Variants in ELP4 observed in about 807,000 individuals in gnomAD.
The protein encoded by ELP4 is elongator acetyltransferase complex subunit 4.
In ELP4, 51 loss-of-function variants were observed where a neutral mutation model predicts 48.9. The observed-to-expected ratio is 1.04, with a 90% CI of 0.83 to 1.32. ELP4 has a LOEUF of 1.32. Ranked by LOEUF, ELP4 falls within the 40% of genes most tolerant of loss-of-function variation. The pLI is 0.00. For missense variants in ELP4, 519 were observed against 514.6 expected, an observed-to-expected ratio of 1.01 and a Z score of -0.08; for synonymous variants, 210 against 189.2, an observed-to-expected ratio of 1.11 and a Z score of -0.90.
intron 9 of ELP4, among the ~76,000 whole-genome samples, chr11:31,698,576 C>A (rs1268085887): frequency 3.3e-5 from 5 of 152,024 alleles, no homozygotes; most frequent in African/African-American, 1.2e-4. Context: ...CCACTCCTGG[C>A]TAATTTTTGT....
At chr11:31,620,995 T>C (rs1592165209) in intron 5 of ELP4, among the ~76,000 whole-genome samples, 1 of 151,898 alleles carries the variant, frequency 6.6e-6, no homozygotes, top group African/African-American at 2.4e-5. Flanking sequence ...AATGACAGCC[T>C]TCAGGGTAAC....
At chr11:31,696,961 G>A (rs962314959) in intron 9 of ELP4, among the ~76,000 whole-genome samples, 8 of 152,012 alleles carry the variant, frequency 5.3e-5, no homozygotes, top group African/African-American at 1.9e-4. Flanking sequence ...AAGGGATGGA[G>A]GAAGATCTAC....
chr11:31,539,910 A>G (rs1436586764), intron 3 of ELP4, 127 bp downstream of exon 3: 1 of 691,552 alleles, frequency 1.4e-6, no homozygotes, highest in Non-Finnish European at 2.0e-6. Flanking sequence ...GGAACCATAC[A>G]TTTTTTAAAA....
chr11:31,513,119 A>T (rs992341529), intron 1 of ELP4, among the ~76,000 whole-genome samples: 1 of 152,128 alleles, frequency 6.6e-6, no homozygotes, highest in Non-Finnish European at 1.5e-5. Context: ...AGCATGGGAT[A>T]ATATACATTG....
intron 5 of ELP4, among the ~76,000 whole-genome samples, chr11:31,622,788 T>C (rs867989992): frequency 1.3e-5 from 2 of 151,630 alleles, no homozygotes; most frequent in Admixed American, 6.6e-5. Context: ...ATTTGTGTCA[T>C]TTGGCCCCTT....
chr11:31,779,480 A>G (rs1202759761), intron 9 of ELP4, among the ~76,000 whole-genome samples: 3 of 152,192 alleles, frequency 2.0e-5, no homozygotes, highest in Admixed American at 1.3e-4. Flanking sequence ...CTCAGAAGGA[A>G]CAAAATATAG....
Position 31,517,421 on chromosome 11 carries a change from TC to T in ELP4, c.224-2633del, listed in dbSNP as rs1956135408. Among the ~76,000 whole-genome samples, 3 of 151,932 alleles carry T rather than the reference TC, an allele frequency of 2.0e-5. No homozygotes were observed. The South Asian group carries it at 6.2e-4, about 32-fold the overall frequency. ...TTATGTGATCTGCCTGCCTCGGCCT[TC>T]CAAAGTGCTGGGATTGCAGGTGTGA... On this transcript the variant is annotated intron_variant, in intron 1 of 9. Transcript: ENST00000640961.
chr11:31,671,128 G>A (rs1945797728), intron 9 of ELP4, among the ~76,000 whole-genome samples: 1 of 151,984 alleles, frequency 6.6e-6, no homozygotes, highest in South Asian at 2.1e-4. Context: ...AAACTAAAGG[G>A]CCTTAGTTTC....
chr11:31,547,266 A>T (rs1307853412), intron 3 of ELP4, among the ~76,000 whole-genome samples: 1 of 152,126 alleles, frequency 6.6e-6, no homozygotes, highest in Non-Finnish European at 1.5e-5. Context: ...AAAAGAGAGA[A>T]GAATCAAATA....
rs141894706 is a variant in ELP4, at chr11:31,774,139, C to T, written c.1144-9254C>T. Among the ~76,000 whole-genome samples, 369 of 152,336 alleles carry T rather than the reference C, an allele frequency of 2.4e-3. 5 individuals carry two copies. Among genetic ancestry groups the T allele is most frequent in the East Asian group, 5.0e-3 (26 of 5,180 alleles). ...GCAGTGAGCCATGATTGTGCCACTGCACTCCAGCATGGGCAACAAAGCGAG... is the reference window on the plus strand; with the variant it reads ...GCAGTGAGCCATGATTGTGCCACTGTACTCCAGCATGGGCAACAAAGCGAG... On this transcript the variant is annotated intron_variant, in intron 9 of 9. Transcript: ENST00000640961.
chr11:31,785,313 A>G lies in ELP4; in HGVS notation c.*1789A>G. ...TTACCGTGTTGATTCATTTTATACAACACACAATGGAACAATTACATAGCA... is the reference window on the plus strand; with the variant it reads ...TTACCGTGTTGATTCATTTTATACAGCACACAATGGAACAATTACATAGCA... On this transcript the variant is annotated 3_prime_UTR_variant, in exon 10 of 10. Transcript: ENST00000640961. 5.5e-6 allele frequency: 1 copy of G among 183,242 alleles called. No individual in the cohort carries two copies. Among genetic ancestry groups the G allele is most frequent in the Non-Finnish European group, 1.2e-5 (1 of 86,072 alleles). The allele number at this position is 183,242 out of a possible 1,614,324, so 11.4% of individuals were successfully genotyped here. A position where few individuals can be genotyped will look rare whatever the true frequency, so the allele number is the denominator to read the frequency against.
At chr11:31,751,193 A>C (rs1341612269) in intron 9 of ELP4, among the ~76,000 whole-genome samples, 2 of 152,228 alleles carry the variant, frequency 1.3e-5, no homozygotes, top group Non-Finnish European at 2.9e-5. Context: ...CACTGGTAGA[A>C]ATTGGCCTTG....
chr11:31,671,097 A>T (rs1283246435), intron 9 of ELP4, among the ~76,000 whole-genome samples: 5 of 152,200 alleles, frequency 3.3e-5, no homozygotes, highest in African/African-American at 7.2e-5. Context: ...TATAGTGCTT[A>T]TAATTAAAGA....
chr11:31,518,616 G>T (rs1342841939), intron 1 of ELP4, among the ~76,000 whole-genome samples: 1 of 151,044 alleles, frequency 6.6e-6, no homozygotes, highest in African/African-American at 2.4e-5. Flanking sequence ...CGTGTCTCAG[G>T]CTGGGCACGG....
intron 9 of ELP4, among the ~76,000 whole-genome samples, chr11:31,708,453 A>T (rs1946678512): frequency 6.6e-6 from 1 of 152,180 alleles, no homozygotes; most frequent in African/African-American, 2.4e-5. Flanking sequence ...TGAATCAAAA[A>T]TAAGTTTTTA....
intron 9 of ELP4, chr11:31,682,056 C>T: frequency 7.7e-7 from 1 of 1,294,684 alleles, no homozygotes; most frequent in Non-Finnish European, 1.0e-6. Flanking sequence ...CTTTGTATTT[C>T]AAAGAGAACA....
Position 31,785,000 on chromosome 11 carries a change from T to A in ELP4, c.*1476T>A, listed in dbSNP as rs944248856. The A allele has an allele frequency of 1.1e-5, 2 of 180,638 alleles. No homozygotes were observed. The highest frequency in any genetic ancestry group is 2.4e-5 in the Non-Finnish European group (2 of 84,472). The allele number at this position is 180,638 out of a possible 1,614,324, so 11.2% of individuals were successfully genotyped here. On this transcript the variant is annotated 3_prime_UTR_variant, in exon 10 of 10. Coordinates refer to ENST00000640961, the MANE Select transcript of ELP4 (RefSeq NM_019040.5). ...TTTTTTAGAATGTCGGGTTTATTTT[T>A]TTCATTTCTTTTAATTCTAAAGACA...
intron 9 of ELP4, among the ~76,000 whole-genome samples, chr11:31,717,347 A>G (rs1024667765): frequency 1.3e-5 from 2 of 152,210 alleles, no homozygotes; most frequent in Admixed American, 6.5e-5. Context: ...AGACTTTTTC[A>G]TGCATTTATT....
chr11:31,529,115 GAAAA>G (rs35149633), intron 2 of ELP4, among the ~76,000 whole-genome samples: 1 of 124,810 alleles, frequency 8.0e-6, no homozygotes, highest in African/African-American at 3.0e-5. Flanking sequence ...GACTCCGTCT[GAAAA>G]AAAAAAAAAA....
Sources: gnomAD v4.1 joint callset for allele counts (sites outside exome capture counted in the v4.1 genomes callset) on GRCh38, gnomAD v4.1.1 for gene constraint, MANE v1.5 for transcripts, NCBI Gene and HGNC (gene_info 2026-07-23, HGNC 2026-07-21) for gene names.